MCPH1: variants seen among roughly 807,000 people sequenced by gnomAD.
MCPH1 encodes microcephalin.
A neutral mutation model predicts 84.5 loss-of-function variants in MCPH1; 104 were observed. That is an observed-to-expected ratio of 1.23 (90% CI 1.05 to 1.45). The LOEUF is 1.45. MCPH1 is among the 40% of genes most tolerant of loss of function. The probability of loss-of-function intolerance (pLI) is 0.00; values close to 1 mark genes in which losing one functional copy is unlikely to be tolerated. For missense variants in MCPH1, 1,498 were observed against 1,005.7 expected, an observed-to-expected ratio of 1.49 and a Z score of -6.62; for synonymous variants, 514 against 366.8, an observed-to-expected ratio of 1.40 and a Z score of -4.58.
chr8:6,492,296 T>C (rs2129561269), intron 11 of MCPH1, among the ~76,000 whole-genome samples: 1 of 152,348 alleles, frequency 6.6e-6, no homozygotes, highest in South Asian at 2.1e-4. Flanking sequence ...TGTCTGTTCA[T>C]ATCCTTCGCC....
At chr8:6,426,864 A>G (rs1349548052) in intron 3 of MCPH1, among the ~76,000 whole-genome samples, 2 of 152,140 alleles carry the variant, frequency 1.3e-5, no homozygotes, top group Non-Finnish European at 2.9e-5. Context: ...TCTAATTCAT[A>G]TGCTACACAA....
chr8:6,532,238 AGTT>A, intron 12 of MCPH1: 4 of 1,413,622 alleles, frequency 2.8e-6, no homozygotes, highest in Non-Finnish European at 2.9e-6. Flanking sequence ...TGCTTTCTTT[AGTT>A]TCTCATGCCT....
chr8:6,411,567 A>C (rs1237021234), intron 2 of MCPH1, among the ~76,000 whole-genome samples: 1 of 152,202 alleles, frequency 6.6e-6, no homozygotes, highest in Non-Finnish European at 1.5e-5. Flanking sequence ...TAAGATCGAC[A>C]GTGAGAACAA....
intron 2 of MCPH1, among the ~76,000 whole-genome samples, chr8:6,411,431 G>T (rs1034982099): frequency 6.6e-6 from 1 of 152,230 alleles, no homozygotes; most frequent in African/African-American, 2.4e-5. Flanking sequence ...CTAATTTTCA[G>T]CCGTAAAGTG....
chr8:6,503,819 A>G (rs1812683814), intron 12 of MCPH1, among the ~76,000 whole-genome samples: 2 of 152,220 alleles, frequency 1.3e-5, no homozygotes, highest in African/African-American at 4.8e-5. Context: ...AAGCCAGGGC[A>G]GGAGAGGTGT....
chr8:6,636,543 G>A lies in MCPH1; in HGVS notation c.2453-6451G>A, dbSNP rs1005435236. Among the ~76,000 whole-genome samples, 13 of 152,020 alleles carry A rather than the reference G, an allele frequency of 8.6e-5. 1 individual carries two copies. Among genetic ancestry groups the A allele is most frequent in the South Asian group, 4.2e-4 (2 of 4,812 alleles). Reference sequence around the variant, plus strand: ...TGCCCAGGCTGGTGTACAGTGCTGCGATCATAGCTCATTGCAGCCTCTAAC... The same window carrying A: ...TGCCCAGGCTGGTGTACAGTGCTGCAATCATAGCTCATTGCAGCCTCTAAC... On this transcript the variant is annotated intron_variant, in intron 13 of 13. Transcript: ENST00000344683.
At chr8:6,631,469 CAA>C (rs5889181) in intron 13 of MCPH1, among the ~76,000 whole-genome samples, 1 of 149,004 alleles carries the variant, frequency 6.7e-6, no homozygotes, top group Non-Finnish European at 1.5e-5. Context: ...AACTCAACAA[CAA>C]AAAAAAAACC....
intron 3 of MCPH1, among the ~76,000 whole-genome samples, chr8:6,425,029 T>G (rs1490554602): frequency 6.6e-6 from 1 of 152,094 alleles, no homozygotes; most frequent in Non-Finnish European, 1.5e-5. Flanking sequence ...GGCACAAGAG[T>G]AGCATAAAGA....
chr8:6,455,376 G>A, intron 9 of MCPH1, 124 bp downstream of exon 9: 1 of 719,490 alleles, frequency 1.4e-6, no homozygotes, highest in Non-Finnish European at 2.4e-6. Flanking sequence ...ATTGATTATG[G>A]GTAAATGCTG....
At chr8:6,410,335 T>A (rs1417951280) in intron 2 of MCPH1, among the ~76,000 whole-genome samples, 1 of 152,122 alleles carries the variant, frequency 6.6e-6, no homozygotes, top group Non-Finnish European at 1.5e-5. Context: ...ATAGAATTTT[T>A]AAAAACTACA....
chr8:6,406,753 G>C (rs1410593617), intron 1 of MCPH1, 64 bp downstream of exon 1: 1 of 1,575,658 alleles, frequency 6.3e-7, no homozygotes, highest in Non-Finnish European at 8.7e-7. Flanking sequence ...CCTCGTCGCG[G>C]GCGCACTCGG....
At chr8:6,516,064 C>G (rs1436000020) in intron 12 of MCPH1, among the ~76,000 whole-genome samples, 8 of 152,142 alleles carry the variant, frequency 5.3e-5, no homozygotes, top group Non-Finnish European at 7.3e-5. Context: ...GGAAGGTCAC[C>G]CAGCTCGTAT....
chr8:6,475,264 G>A (rs1424550537), intron 9 of MCPH1, among the ~76,000 whole-genome samples: 3 of 152,244 alleles, frequency 2.0e-5, no homozygotes, highest in South Asian at 2.1e-4. Context: ...GGGGAGCAGG[G>A]TGCAAGTGTT....
intron 12 of MCPH1, among the ~76,000 whole-genome samples, chr8:6,541,546 G>A (rs1821578327): frequency 1.3e-5 from 2 of 152,190 alleles, no homozygotes; most frequent in African/African-American, 2.4e-5. Context: ...GAGCGAATGC[G>A]GAGACGCTCG....
At position 6,505,522 on chromosome 8, in the gene MCPH1, T is replaced by A. The variant is rs10663710; in HGVS notation, c.2214+5593T>A. ...ATATATGTATATATAGAATATATAT[T>A]CTTTATATATGTATATATAGAATAT... On this transcript the variant is annotated intron_variant, in intron 12 of 13. Coordinates refer to ENST00000344683, the MANE Select transcript of MCPH1 (RefSeq NM_024596.5). Among the ~76,000 whole-genome samples, 20 of 3,092 alleles carry A rather than the reference T, an allele frequency of 6.5e-3. 1 individual carries two copies. Among genetic ancestry groups the A allele is most frequent in the East Asian group, 0.017 (2 of 118 alleles). The allele number at this position is 3,092 out of a possible 152,430, so 2.0% of individuals were successfully genotyped here. A position where few individuals can be genotyped will look rare whatever the true frequency, so the allele number is the denominator to read the frequency against.
chr8:6,577,457 G>C (rs77429156), intron 12 of MCPH1, among the ~76,000 whole-genome samples: 1 of 152,220 alleles, frequency 6.6e-6, no homozygotes, highest in Non-Finnish European at 1.5e-5. Context: ...ACAAATGGCT[G>C]TCTAGTAAAC....
rs556312281 is a variant in MCPH1 at position 6,503,420 on chromosome 8, G to C, written c.2214+3491G>C. On this transcript the variant is annotated intron_variant, in intron 12 of 13. Coordinates refer to ENST00000344683, the MANE Select transcript of MCPH1 (RefSeq NM_024596.5). Reference sequence around the variant, plus strand: ...TAGGATGTGCACTGGCAGAGGGATTGTTTTCCAGCCATACACCCATGACAT... The same window carrying C: ...TAGGATGTGCACTGGCAGAGGGATTCTTTTCCAGCCATACACCCATGACAT... Among the ~76,000 whole-genome samples, 3 of 152,272 alleles carry C rather than the reference G, an allele frequency of 2.0e-5. No homozygotes were observed. The South Asian group carries it at 6.2e-4, about 32-fold the overall frequency.
Position 6,647,909 on chromosome 8 carries a change from A to G in MCPH1, c.*4860A>G, listed in dbSNP as rs1391508871. ...CCTTAAGGCATGTGAATTATACACCAATAAAGCTATTTTTTTTAAAAAAAA... is the reference window on the plus strand; with the variant it reads ...CCTTAAGGCATGTGAATTATACACCGATAAAGCTATTTTTTTTAAAAAAAA... On this transcript the variant is annotated 3_prime_UTR_variant, in exon 14 of 14. Coordinates refer to ENST00000344683, the MANE Select transcript of MCPH1 (RefSeq NM_024596.5). 6.6e-6 allele frequency: 1 copy of G among 151,702 alleles called. No homozygotes were observed. The highest frequency in any genetic ancestry group is 2.4e-5 in the African/African-American group (1 of 41,310). 9.4% of individuals were successfully genotyped at this position (151,702 alleles called of 1,614,324 possible).
intron 12 of MCPH1, chr8:6,616,668 C>A (rs1356923886): frequency 6.6e-6 from 1 of 152,238 alleles, no homozygotes; most frequent in Non-Finnish European, 1.5e-5. Context: ...GCCTCCTCAA[C>A]TACATGTATA....
Sources: allele counts gnomAD v4.1 joint callset (sites outside exome capture counted in the v4.1 genomes callset), GRCh38; gene constraint gnomAD v4.1.1; transcripts MANE v1.5; gene names NCBI Gene and HGNC (gene_info 2026-07-23, HGNC 2026-07-21).